DLG2: variants seen among roughly 807,000 people sequenced by gnomAD.
DLG2 encodes the protein disks large homolog 2.
In DLG2, 45 loss-of-function variants were observed where a neutral mutation model predicts 132.5. The ratio of observed to expected loss-of-function variants is 0.34; its 90% confidence interval spans 0.27 to 0.44. The LOEUF (loss-of-function observed/expected upper bound fraction) is 0.44, where lower values mean the gene tolerates loss of function less well. Among genes scored for constraint, DLG2 ranks in the 20% least tolerant of loss-of-function variants. The probability of loss-of-function intolerance (pLI) is 1.00; values close to 1 mark genes in which losing one functional copy is unlikely to be tolerated. For missense variants in DLG2, 1,045 were observed against 1,196.9 expected (o/e 0.87, Z 1.87); for synonymous variants, 424 against 419.6 (o/e 1.01, Z -0.13).
At chr11:85,304,176 A>G (rs1180425441) in intron 3 of DLG2, among the ~76,000 whole-genome samples, 2 of 152,204 alleles carry the variant, frequency 1.3e-5, no homozygotes, top group Admixed American at 1.3e-4. Flanking sequence ...TTCCAGGAAC[A>G]TAGCTTAAAA....
chr11:85,505,725 TG>T (rs2093915235), intron 3 of DLG2, among the ~76,000 whole-genome samples: 1 of 152,224 alleles, frequency 6.6e-6, no homozygotes, highest in Non-Finnish European at 1.5e-5. Flanking sequence ...AGAACGATGC[TG>T]GCCTCATGAA....
At chr11:84,767,956 G>A (rs1356055115) in intron 6 of DLG2, among the ~76,000 whole-genome samples, 1 of 152,120 alleles carries the variant, frequency 6.6e-6, no homozygotes. Flanking sequence ...AGGCAGACCT[G>A]TGCCTGCATT....
At chr11:85,522,672 G>A (rs953877019) in intron 3 of DLG2, among the ~76,000 whole-genome samples, 1 of 152,182 alleles carries the variant, frequency 6.6e-6, no homozygotes, top group African/African-American at 2.4e-5. Flanking sequence ...TGTAAGACAT[G>A]GAGTCAAAGG....
intron 19 of DLG2, among the ~76,000 whole-genome samples, chr11:83,561,042 T>C (rs1342218834): frequency 6.6e-6 from 1 of 152,122 alleles, no homozygotes; most frequent in Non-Finnish European, 1.5e-5. Context: ...AGCAGGCTCA[T>C]CTTACAAGGC....
chr11:85,582,660 C>CAAAA lies in DLG2; in HGVS notation c.40+15993_40+15996dup, dbSNP rs59452629. ...GCAACATGGTGAAACCCCATCTCTACAAAAAAAAAAAAAAAAAAAAAAAAA... is the reference window on the plus strand; with the variant it reads ...GCAACATGGTGAAACCCCATCTCTACAAAAAAAAAAAAAAAAAAAAAAAAAAAAA... On this transcript the variant is annotated intron_variant, in intron 3 of 27. Transcript: ENST00000376104. Among the ~76,000 whole-genome samples the CAAAA allele has an allele frequency of 6.5e-3, 176 of 27,146 alleles. 55 individuals carry two copies. Among genetic ancestry groups the CAAAA allele is most frequent in the Non-Finnish European group, 8.9e-3 (123 of 13,820 alleles). 17.8% of individuals were successfully genotyped at this position (27,146 alleles called of 152,430 possible). A position where few individuals can be genotyped will look rare whatever the true frequency, so the allele number is the denominator to read the frequency against.
chr11:84,687,175 T>G (rs2099738931), intron 6 of DLG2: 1 of 152,160 alleles, frequency 6.6e-6, no homozygotes, highest in African/African-American at 2.4e-5. Flanking sequence ...CACAAAACAC[T>G]GTGTGAAATA....
At chr11:85,011,544 T>C (rs1352906356) in intron 6 of DLG2, among the ~76,000 whole-genome samples, 1 of 152,206 alleles carries the variant, frequency 6.6e-6, no homozygotes, top group East Asian at 1.9e-4. Context: ...TAGATAAAAA[T>C]ACTTTCTTTG....
At chr11:84,869,355 A>G (rs2085115658) in intron 6 of DLG2, among the ~76,000 whole-genome samples, 1 of 152,346 alleles carries the variant, frequency 6.6e-6, no homozygotes, top group East Asian at 1.9e-4. Context: ...GCTGGATTCA[A>G]TGGCTGAGCC....
At chr11:83,707,737 G>T (rs1039170475) in intron 18 of DLG2, among the ~76,000 whole-genome samples, 1 of 152,166 alleles carries the variant, frequency 6.6e-6, no homozygotes, top group Admixed American at 6.6e-5. Context: ...TTTTGAGATT[G>T]GTTGAGTGTC....
chr11:85,605,303 C>T (rs1361136352), intron 2 of DLG2, among the ~76,000 whole-genome samples: 2 of 152,028 alleles, frequency 1.3e-5, no homozygotes, highest in Non-Finnish European at 2.9e-5. Context: ...CACAATACCA[C>T]CCTTAATCCT....
chr11:85,230,420 T>G (rs2075235950), intron 4 of DLG2, among the ~76,000 whole-genome samples: 1 of 151,736 alleles, frequency 6.6e-6, no homozygotes, highest in African/African-American at 2.4e-5. Flanking sequence ...TTATCTCGTA[T>G]TCATTTATTT....
chr11:83,869,239 T>C (rs1024322285), intron 16 of DLG2, among the ~76,000 whole-genome samples: 2 of 151,882 alleles, frequency 1.3e-5, no homozygotes, highest in Non-Finnish European at 2.9e-5. Context: ...TCTGAGTACT[T>C]AGAGGAAAAA....
At position 84,916,342 on chromosome 11, in the gene DLG2, C is replaced by T. The variant is rs554077409; in HGVS notation, c.357+195319G>A. ...CCAGCCTGGGCGACAGAGCGAGACT[C>T]CGTCTCAAAAAAAAAAAAAAAAAAA... On this transcript the variant is annotated intron_variant, in intron 6 of 27. Transcript: ENST00000376104. 8.3e-5 allele frequency among the ~76,000 whole-genome samples: 4 copies of T among 47,912 alleles called. No homozygotes were observed. In the South Asian group the frequency reaches 3.9e-3, roughly 46 times the overall value. 31.4% of individuals were successfully genotyped at this position (47,912 alleles called of 152,430 possible). A position where few individuals can be genotyped will look rare whatever the true frequency, so the allele number is the denominator to read the frequency against.
intron 6 of DLG2, among the ~76,000 whole-genome samples, chr11:85,012,867 T>C (rs890631240): frequency 1.3e-5 from 2 of 152,126 alleles, no homozygotes; most frequent in African/African-American, 4.8e-5. Context: ...CACTTAGATG[T>C]TAGGTGACTT....
chr11:85,430,824 T>C (rs959205762), intron 3 of DLG2, among the ~76,000 whole-genome samples: 1 of 147,722 alleles, frequency 6.8e-6, no homozygotes, highest in Non-Finnish European at 1.5e-5. Flanking sequence ...TCGTGAGTTT[T>C]TTCTAATGGA....
intron 7 of DLG2, among the ~76,000 whole-genome samples, chr11:84,348,774 A>C (rs570194958): frequency 6.6e-6 from 1 of 152,190 alleles, no homozygotes; most frequent in Non-Finnish European, 1.5e-5. Context: ...CCTTAAAAGA[A>C]GGGAAAATTT....
chr11:84,372,092 T>C (rs1440401936), intron 7 of DLG2, among the ~76,000 whole-genome samples: 1 of 152,184 alleles, frequency 6.6e-6, no homozygotes, highest in East Asian at 1.9e-4. Flanking sequence ...AAAATGCAAA[T>C]GAAGACATAC....
chr11:83,489,853 T>A (rs773303049), intron 21 of DLG2, among the ~76,000 whole-genome samples: 15 of 151,936 alleles, frequency 9.9e-5, no homozygotes, highest in Non-Finnish European at 1.6e-4. Flanking sequence ...ATGGATGTTG[T>A]TGGGAACCAG....
chr11:84,794,618 G>T (rs960427605), intron 6 of DLG2, among the ~76,000 whole-genome samples: 1 of 152,226 alleles, frequency 6.6e-6, no homozygotes, highest in African/African-American at 2.4e-5. Context: ...TCTCTGCACT[G>T]TTGGGTGTCC....
Sources: allele counts gnomAD v4.1 joint callset (sites outside exome capture counted in the v4.1 genomes callset), GRCh38; gene constraint gnomAD v4.1.1; transcripts MANE v1.5; gene names NCBI Gene and HGNC (gene_info 2026-07-23, HGNC 2026-07-21).